MDM2: variants seen among roughly 807,000 people sequenced by gnomAD.
MDM2 encodes the protein E3 ubiquitin-protein ligase Mdm2.
In MDM2, 11 loss-of-function variants were observed where a neutral mutation model predicts 64.3. The observed-to-expected ratio is 0.17, with a 90% CI of 0.11 to 0.28. The LOEUF (loss-of-function observed/expected upper bound fraction) is 0.28, where lower values mean the gene tolerates loss of function less well. MDM2 is among the 10% of genes least tolerant of loss of function. The pLI is 1.00. For missense variants in MDM2, 388 were observed against 577.1 expected, an observed-to-expected ratio of 0.67 and a Z score of 3.36; for synonymous variants, 194 against 192.9, an observed-to-expected ratio of 1.01 and a Z score of -0.05.
At chr12:68,810,554 C>G (rs1049479806) in intron 2 of MDM2, among the ~76,000 whole-genome samples, 4 of 151,872 alleles carry the variant, frequency 2.6e-5, no homozygotes, top group African/African-American at 9.7e-5. Context: ...CTCCGTTCCC[C>G]GGGTTCACGC....
chr12:68,821,788 G>T (rs538555797), intron 5 of MDM2, among the ~76,000 whole-genome samples: 7 of 152,124 alleles, frequency 4.6e-5, no homozygotes, highest in African/African-American at 1.7e-4. Flanking sequence ...AGAATGAATT[G>T]ACCACTCCCT....
intron 3 of MDM2, chr12:68,814,668 T>C (rs912931488): frequency 3.0e-6 from 1 of 328,018 alleles, no homozygotes; most frequent in African/African-American, 2.2e-5. Flanking sequence ...GAGTACAGTA[T>C]ACTGATCTTT....
Position 68,831,339 on chromosome 12 carries a change from G to A in MDM2, c.684+2408G>A, listed in dbSNP as rs557154335. Among the ~76,000 whole-genome samples the A allele has an allele frequency of 3.9e-5, 6 of 152,284 alleles. No homozygotes were observed. In the South Asian group the frequency reaches 1.0e-3, roughly 26 times the overall value. On this transcript the variant is annotated intron_variant, in intron 8 of 10. Coordinates refer to ENST00000258149, the MANE Select transcript of MDM2 (RefSeq NM_002392.6). ...GCCAGTTTTATGTGACGGCTGGAGG[G>A]GGTGGTGTCTTATTTGCATAGGGCT...
At position 68,813,781 on chromosome 12, in the gene MDM2, C is replaced by T. The variant is rs143240448; in HGVS notation, c.174+153C>T. On this transcript the variant is annotated intron_variant, in intron 3 of 10. Transcript: ENST00000258149. ...TGGTCGTTTGGACTATATTTTAAAGCTGAAAATTCTAATTATACTCGAGTT... is the reference window on the plus strand; with the variant it reads ...TGGTCGTTTGGACTATATTTTAAAGTTGAAAATTCTAATTATACTCGAGTT... Among the ~76,000 whole-genome samples the T allele has an allele frequency of 5.1e-4, 78 of 152,284 alleles. 1 individual carries two copies. The highest frequency in any genetic ancestry group is 2.4e-3 in the Admixed American group (36 of 15,294).
chr12:68,817,745 C>G (rs1443705569), intron 4 of MDM2, among the ~76,000 whole-genome samples: 2 of 151,692 alleles, frequency 1.3e-5, no homozygotes, highest in Non-Finnish European at 2.9e-5. Flanking sequence ...ACGAGCAAAA[C>G]TGCATCTGAA....
chr12:68,827,044 G>C (rs904316817), intron 7 of MDM2, among the ~76,000 whole-genome samples: 3 of 152,112 alleles, frequency 2.0e-5, no homozygotes, highest in Non-Finnish European at 4.4e-5. Flanking sequence ...CGGGCACAGT[G>C]GTGGGCACCT....
At chr12:68,829,080 A>G in intron 8 of MDM2, 149 bp downstream of exon 8, 1 of 779,350 alleles carries the variant, frequency 1.3e-6, no homozygotes, top group Admixed American at 2.8e-5. Context: ...TAAAACTACT[A>G]TATTGATCTC....
chr12:68,844,706 G>A lies in MDM2; in HGVS notation c.*4857G>A, dbSNP rs574272843. The stretch of plus-strand genomic sequence containing the variant: ...AGCTTGTGGGCCCCTAAGCCAGACG[G>A]GGACTAGCTTTTGGCATTATATAAT... On this transcript the variant is annotated 3_prime_UTR_variant, in exon 11 of 11. Coordinates refer to ENST00000258149, the MANE Select transcript of MDM2 (RefSeq NM_002392.6). The A allele has an allele frequency of 4.5e-6, 1 of 220,058 alleles. No individual in the cohort carries two copies. The highest frequency in any genetic ancestry group is 1.8e-4 in the South Asian group (1 of 5,428). The allele number at this position is 220,058 out of a possible 1,614,324, so 13.6% of individuals were successfully genotyped here.
intron 3 of MDM2, among the ~76,000 whole-genome samples, chr12:68,815,052 A>G (rs1881230187): frequency 6.6e-6 from 1 of 152,218 alleles, no homozygotes; most frequent in African/African-American, 2.4e-5. Flanking sequence ...TGTCCAATCC[A>G]CAGTCACATA....
chr12:68,818,632 T>A (rs1474090507), intron 4 of MDM2, among the ~76,000 whole-genome samples: 1 of 149,660 alleles, frequency 6.7e-6, no homozygotes, highest in East Asian at 1.9e-4. Flanking sequence ...GTCACTTCTG[T>A]TTAATATCCA....
At chr12:68,824,766 T>A in intron 7 of MDM2, 115 bp downstream of exon 7, 1 of 680,030 alleles carries the variant, frequency 1.5e-6, no homozygotes, top group Non-Finnish European at 2.5e-6. Flanking sequence ...TGAGATGAAT[T>A]AACCTCTGAG....
At chr12:68,811,157 ACCAGGC>A (rs1880856819) in intron 2 of MDM2, among the ~76,000 whole-genome samples, 1 of 152,040 alleles carries the variant, frequency 6.6e-6, no homozygotes, top group African/African-American at 2.4e-5. Context: ...GAATCACTGC[ACCAGGC>A]CTCCATTTTG....
chr12:68,830,103 A>C (rs1282700141), intron 8 of MDM2, among the ~76,000 whole-genome samples: 1 of 151,086 alleles, frequency 6.6e-6, no homozygotes, highest in African/African-American at 2.4e-5. Flanking sequence ...AGCTATTGTT[A>C]GTGTATTTTA....
Position 68,808,370 on chromosome 12 carries a change from C to G in MDM2, c.-108C>G. On this transcript the variant is annotated 5_prime_UTR_variant, in exon 1 of 11. Transcript: ENST00000258149. ...CGTACGAGCGCCCAGTGCCCTGGCC[C>G]GGAGAGTGGAATGATCCCCGAGGCC... 7 of 1,473,456 alleles carry G rather than the reference C, an allele frequency of 4.8e-6. No individual in the cohort carries two copies. The highest frequency in any genetic ancestry group is 5.7e-6 in the Non-Finnish European group (6 of 1,058,174). The allele number at this position is 1,473,456 out of a possible 1,614,324, so 91.3% of individuals were successfully genotyped here. A position where few individuals can be genotyped will look rare whatever the true frequency, so the allele number is the denominator to read the frequency against.
chr12:68,832,994 C>T (rs564833664), intron 8 of MDM2, among the ~76,000 whole-genome samples: 347 of 149,284 alleles, frequency 2.3e-3, no homozygotes, highest in African/African-American at 8.1e-3. Context: ...GGCGTGGTGG[C>T]GGGCACCTAT....
At chr12:68,822,521 G>C (rs1184343536) in intron 5 of MDM2, among the ~76,000 whole-genome samples, 1 of 151,956 alleles carries the variant, frequency 6.6e-6, no homozygotes, top group Non-Finnish European at 1.5e-5. Flanking sequence ...TTGTGTGATA[G>C]CTAAATATAC....
At chr12:68,846,254 A>C (rs1438611927), downstream of MDM2, 1 of 149,182 alleles carries the variant, frequency 6.7e-6, no homozygotes, top group Non-Finnish European at 1.5e-5. Context: ...TGCCCGGCCT[A>C]ATTTTTGTAT....
chr12:68,813,640 C>T lies in MDM2; in HGVS notation c.174+12C>T, dbSNP rs773194659. Reference sequence around the variant, plus strand: ...ATACTATGAAAGAGGTAAGCTGAATCAAGAGATAAGTAGTATCTCACTAGT... The same window carrying T: ...ATACTATGAAAGAGGTAAGCTGAATTAAGAGATAAGTAGTATCTCACTAGT... On this transcript the variant is annotated intron_variant, in intron 3 of 10. Transcript: ENST00000258149. The T allele has an allele frequency of 1.3e-5, 21 of 1,596,104 alleles. No individual in the cohort carries two copies. Among genetic ancestry groups the T allele is most frequent in the Non-Finnish European group, 1.8e-5 (21 of 1,165,280 alleles).
chr12:68,818,952 G>A (rs1175821351), intron 4 of MDM2, among the ~76,000 whole-genome samples: 3 of 151,924 alleles, frequency 2.0e-5, no homozygotes, highest in African/African-American at 7.3e-5. Context: ...GGCTGGTCTC[G>A]AACTCCTGAC....
Sources: allele counts gnomAD v4.1 joint callset (sites outside exome capture counted in the v4.1 genomes callset), GRCh38; gene constraint gnomAD v4.1.1; transcripts MANE v1.5; gene names NCBI Gene and HGNC (gene_info 2026-07-23, HGNC 2026-07-21).